DIS3L2: variants seen among roughly 807,000 people sequenced by gnomAD.
DIS3L2 encodes the protein DIS3 like 3'-5' exoribonuclease 2, also known as DIS3-like exonuclease 2.
A neutral mutation model predicts 97.5 loss-of-function variants in DIS3L2; 34 were observed. The observed-to-expected ratio is 0.35, with a 90% CI of 0.27 to 0.46. DIS3L2 has a LOEUF of 0.46. Among genes scored for constraint, DIS3L2 ranks in the 20% least tolerant of loss-of-function variants. DIS3L2 has a pLI of 1.00. For synonymous variants in DIS3L2, 435 were observed against 445.2 expected (o/e 0.98, Z 0.29); for missense variants, 1,038 against 1,146.0 (o/e 0.91, Z 1.36).
At chr2:231,965,225 G>A (rs1334142995) in intron 1 of DIS3L2, among the ~76,000 whole-genome samples, 1 of 152,210 alleles carries the variant, frequency 6.6e-6, no homozygotes, top group East Asian at 1.9e-4. Flanking sequence ...ATGCTCAAGA[G>A]TCTTGTGAAA....
chr2:232,259,009 C>T (rs146741793), intron 12 of DIS3L2, among the ~76,000 whole-genome samples: 16 of 152,240 alleles, frequency 1.1e-4, no homozygotes, highest in African/African-American at 3.9e-4. Flanking sequence ...AAGCACTGGA[C>T]TGTGTTAAGG....
At chr2:232,163,958 T>A (rs1690731265) in intron 9 of DIS3L2, among the ~76,000 whole-genome samples, 1 of 152,256 alleles carries the variant, frequency 6.6e-6, no homozygotes, top group South Asian at 2.1e-4. Context: ...CCATGCTTAT[T>A]CATTATCTAT....
At chr2:232,216,603 A>G (rs537633221) in intron 10 of DIS3L2, among the ~76,000 whole-genome samples, 1 of 148,678 alleles carries the variant, frequency 6.7e-6, no homozygotes. Flanking sequence ...TTTTCTCACC[A>G]CTCATCACTT....
chr2:232,100,806 T>G (rs1407996183), intron 6 of DIS3L2, among the ~76,000 whole-genome samples: 2 of 85,334 alleles, frequency 2.3e-5, no homozygotes, highest in African/African-American at 9.4e-5. Flanking sequence ...GAAAGAAAGG[T>G]GTGTGTGTGT....
At chr2:232,096,662 A>T (rs1301177991) in intron 6 of DIS3L2, among the ~76,000 whole-genome samples, 2 of 151,704 alleles carry the variant, frequency 1.3e-5, no homozygotes, top group Non-Finnish European at 2.9e-5. Context: ...CCTGTGTTCA[A>T]CCTCACTAAT....
chr2:232,207,556 C>T (rs1266981956), intron 9 of DIS3L2, among the ~76,000 whole-genome samples: 1 of 152,208 alleles, frequency 6.6e-6, no homozygotes, highest in Non-Finnish European at 1.5e-5. Context: ...TATCTTGAGG[C>T]TTCAACCTTC....
intron 9 of DIS3L2, among the ~76,000 whole-genome samples, chr2:232,206,536 A>AT (rs909402341): frequency 6.6e-6 from 1 of 152,096 alleles, no homozygotes; most frequent in Non-Finnish European, 1.5e-5. Flanking sequence ...TCTTCTTTTG[A>AT]TTTTTTATTT....
In DIS3L2 at chr2:232,301,836, T is replaced by C. The variant is rs1041969280; in HGVS notation, c.1739+1717T>C. 4.9e-4 allele frequency among the ~76,000 whole-genome samples: 47 copies of C among 95,444 alleles called. No individual in the cohort carries two copies. The East Asian group carries it at 0.013, about 26-fold the overall frequency. The allele number at this position is 95,444 out of a possible 152,430, so 62.6% of individuals were successfully genotyped here. A position where few individuals can be genotyped will look rare whatever the true frequency, so the allele number is the denominator to read the frequency against. Reference sequence around the variant, plus strand: ...GTGAGAAGAGAAAATAGCCTAGCTCTTTTTTTTTTTTTTTTTTTTTTTAAT... The same window carrying C: ...GTGAGAAGAGAAAATAGCCTAGCTCCTTTTTTTTTTTTTTTTTTTTTTAAT... On this transcript the variant is annotated intron_variant, in intron 14 of 20. Coordinates refer to ENST00000325385, the MANE Select transcript of DIS3L2 (RefSeq NM_152383.5).
chr2:232,093,799 C>T (rs1289602275), intron 6 of DIS3L2, among the ~76,000 whole-genome samples: 1 of 151,992 alleles, frequency 6.6e-6, no homozygotes, highest in Non-Finnish European at 1.5e-5. Flanking sequence ...TGTAACTTTT[C>T]AGAAAACTAT....
intron 7 of DIS3L2, among the ~76,000 whole-genome samples, chr2:232,132,881 C>T (rs796171470): frequency 3.3e-5 from 5 of 152,208 alleles, no homozygotes; most frequent in African/African-American, 1.2e-4. Context: ...ACTGAACATT[C>T]AGAGACACTG....
intron 10 of DIS3L2, among the ~76,000 whole-genome samples, chr2:232,212,455 C>G (rs79062121): frequency 6.6e-6 from 1 of 152,192 alleles, no homozygotes. Flanking sequence ...TGCAGGGTCT[C>G]CAGGGAGCAG....
intron 5 of DIS3L2, among the ~76,000 whole-genome samples, chr2:232,067,296 G>C (rs1695877892): frequency 6.6e-6 from 1 of 152,028 alleles, no homozygotes; most frequent in Non-Finnish European, 1.5e-5. Context: ...TTCTCTAGAC[G>C]CTACTTTACA....
intron 11 of DIS3L2, among the ~76,000 whole-genome samples, chr2:232,245,352 A>G (rs1574968886): frequency 6.6e-6 from 1 of 152,194 alleles, no homozygotes; most frequent in African/African-American, 2.4e-5. Flanking sequence ...GCTGATCAGA[A>G]GGGGCTGCCT....
rs747688512 is a variant in DIS3L2 at position 232,336,458 on chromosome 2, G to T, written c.2497-11G>T. The stretch of plus-strand genomic sequence containing the variant: ...GCCATCCTTGTCCCCTCACGGCTGG[G>T]CTCTGCACAGGTCATCACCATCTTC... On this transcript the variant is annotated splice_polypyrimidine_tract_variant and intron_variant, in intron 20 of 20. Coordinates refer to ENST00000325385, the MANE Select transcript of DIS3L2 (RefSeq NM_152383.5). 6 of 1,607,412 alleles carry T rather than the reference G, an allele frequency of 3.7e-6. No individual in the cohort carries two copies. In the South Asian group the frequency reaches 5.6e-5, roughly 15 times the overall value.
At chr2:232,139,072 G>A (rs924380966) in intron 8 of DIS3L2, among the ~76,000 whole-genome samples, 4 of 152,156 alleles carry the variant, frequency 2.6e-5, no homozygotes, top group African/African-American at 4.8e-5. Flanking sequence ...ATATCATAGC[G>A]ATAATTTGAT....
intron 14 of DIS3L2, among the ~76,000 whole-genome samples, chr2:232,305,142 C>T (rs1694955216): frequency 6.6e-6 from 1 of 152,154 alleles, no homozygotes; most frequent in Non-Finnish European, 1.5e-5. Flanking sequence ...GTGGCGCAAA[C>T]TCAGCTCACT....
Position 232,336,639 on chromosome 2 carries a change from A to C in DIS3L2, c.*9A>C. On this transcript the variant is annotated 3_prime_UTR_variant, in exon 21 of 21. Coordinates refer to ENST00000325385, the MANE Select transcript of DIS3L2 (RefSeq NM_152383.5). ...ACTCAAGCACCAGCTGAGCTCCACC[A>C]GCCGCCTGCCCCGCCTGCCCCGCCT... 3 of 1,555,406 alleles carry C rather than the reference A, an allele frequency of 1.9e-6. No homozygotes were observed. The highest frequency in any genetic ancestry group is 2.6e-6 in the Non-Finnish European group (3 of 1,154,556).
chr2:232,184,143 A>C (rs1691369409), intron 9 of DIS3L2, among the ~76,000 whole-genome samples: 2 of 152,128 alleles, frequency 1.3e-5, no homozygotes, highest in African/African-American at 4.8e-5. Flanking sequence ...AGTTACACTA[A>C]ATTTGATTTT....
Position 232,249,228 on chromosome 2 carries a change from T to A in DIS3L2, c.1318-11T>A. On this transcript the variant is annotated splice_polypyrimidine_tract_variant and intron_variant, in intron 11 of 20. Transcript: ENST00000325385. ...GAGAAAGGTGCTCATGGGCCTGTGC[T>A]CTATTTACAGGTGGTCCCCATGCTT... The A allele has an allele frequency of 6.2e-7, 1 of 1,613,214 alleles. No individual in the cohort carries two copies. The highest frequency in any genetic ancestry group is 8.5e-7 in the Non-Finnish European group (1 of 1,179,818).
Sources: allele counts gnomAD v4.1 joint callset (sites outside exome capture counted in the v4.1 genomes callset), GRCh38; gene constraint gnomAD v4.1.1; transcripts MANE v1.5; gene names NCBI Gene and HGNC (gene_info 2026-07-23, HGNC 2026-07-21).